Variants in ABCB1 observed in about 807,000 individuals in gnomAD.
ABCB1 encodes the protein ATP-dependent translocase ABCB1.
ABCB1 carries 69 observed loss-of-function variants against 142.0 expected under a neutral mutation model. The observed-to-expected ratio is 0.49, with a 90% CI of 0.40 to 0.59. ABCB1 has a LOEUF of 0.59. Among genes scored for constraint, ABCB1 ranks in the 20% least tolerant of loss-of-function variants. ABCB1 has a pLI of 0.00. For missense variants in ABCB1, 1,326 were observed against 1,554.7 expected (o/e 0.85, Z 2.47); for synonymous variants, 532 against 539.2 (o/e 0.99, Z 0.18).
At chr7:87,548,843 G>GT (rs1283834190) in intron 14 of ABCB1, among the ~76,000 whole-genome samples, 2 of 152,148 alleles carry the variant, frequency 1.3e-5, no homozygotes, top group Non-Finnish European at 2.9e-5. Flanking sequence ...GCTTAGGTAG[G>GT]TTTTCAGTAT....
At chr7:87,585,837 C>T (rs1398107949) in intron 3 of ABCB1, among the ~76,000 whole-genome samples, 157 bp from the exon 4 acceptor site, 4 of 152,144 alleles carry the variant, frequency 2.6e-5, no homozygotes, top group Non-Finnish European at 4.4e-5. Context: ...TAAATTATTG[C>T]AATAGTCTAA....
intron 20 of ABCB1, 26 bp from the exon 21 acceptor site, chr7:87,531,523 A>G: frequency 6.2e-7 from 1 of 1,603,292 alleles, no homozygotes. Flanking sequence ...AATTAGAGAA[A>G]TTTTAAAAAT....
intron 1 of ABCB1, among the ~76,000 whole-genome samples, chr7:87,657,532 G>A (rs1165246543): frequency 6.6e-6 from 1 of 152,172 alleles, no homozygotes; most frequent in Non-Finnish European, 1.5e-5. Flanking sequence ...AGGCCAGAGA[G>A]ATAAGATTTC....
At chr7:87,594,689 C>T (rs889651507) in intron 3 of ABCB1, among the ~76,000 whole-genome samples, 8 of 152,050 alleles carry the variant, frequency 5.3e-5, no homozygotes, top group Non-Finnish European at 1.0e-4. Flanking sequence ...CACCAAAATT[C>T]CAAAGGGCGT....
intron 1 of ABCB1, among the ~76,000 whole-genome samples, chr7:87,663,907 A>T (rs7790722): frequency 0.1 from 15,918 of 151,802 alleles, 1,044 homozygotes; most frequent in African/African-American, 0.19. Flanking sequence ...CTCTCTGGTG[A>T]CTCTTTGTAT....
At chr7:87,694,215 A>G (rs1828291028) in intron 1 of ABCB1, among the ~76,000 whole-genome samples, 1 of 152,100 alleles carries the variant, frequency 6.6e-6, no homozygotes, top group African/African-American at 2.4e-5. Context: ...GTATAATAAT[A>G]AATATTACGT....
intron 2 of ABCB1, among the ~76,000 whole-genome samples, chr7:87,596,849 A>G (rs1819230607): frequency 6.6e-6 from 1 of 152,070 alleles, no homozygotes; most frequent in South Asian, 2.1e-4. Flanking sequence ...AATTCCCAGT[A>G]AAGGCATGGT....
At position 87,553,804 on chromosome 7, in the gene ABCB1, G is replaced by C; in HGVS notation, c.956C>G (p.Thr319Ser). 2 of 1,614,034 alleles carry C rather than the reference G, an allele frequency of 1.2e-6. No homozygotes were observed. Among genetic ancestry groups the C allele is most frequent in the South Asian group, 1.1e-5 (1 of 91,082 alleles). The change falls in exon 9 of 28, where the codon ACC (threonine) becomes AGC (serine). Residue 319 changes from threonine (T) to serine (S), a missense_variant. Transcript: ENST00000622132. ...SYALAFWYGT[T>S]LVLSGEYSIG... ...AGAATATTCCCCTGAGAGGACCAAGGTGGTCCCATACCAGAAGGCCAGAGC... is the reference window on the plus strand; with the variant it reads ...AGAATATTCCCCTGAGAGGACCAAGCTGGTCCCATACCAGAAGGCCAGAGC...
chr7:87,514,899 T>C (rs895448299), intron 25 of ABCB1, among the ~76,000 whole-genome samples: 1 of 152,234 alleles, frequency 6.6e-6, no homozygotes, highest in Non-Finnish European at 1.5e-5. Flanking sequence ...TTGGCTTTCA[T>C]CTCACTCCTA....
At chr7:87,708,133 T>G (rs1829769942) in intron 1 of ABCB1, among the ~76,000 whole-genome samples, 1 of 151,938 alleles carries the variant, frequency 6.6e-6, no homozygotes, top group Admixed American at 6.6e-5. Flanking sequence ...AAAGTCAAAG[T>G]AGAAGGAAAG....
In ABCB1 at chr7:87,686,476, A is replaced by G. The variant is rs370249589; in HGVS notation, c.-331+26685T>C. Among the ~76,000 whole-genome samples the G allele has an allele frequency of 4.6e-5, 7 of 152,322 alleles. No homozygotes were observed. In the East Asian group the frequency reaches 1.3e-3, roughly 29 times the overall value. On this transcript the variant is annotated intron_variant, in intron 1 of 28. Transcript: ENST00000265724. ...GAAAATTACAGTTCTTTAAAATGTC[A>G]TCTGTGACTTTGATTATTTATGGAC...
chr7:87,682,311 T>C (rs1464231783), intron 1 of ABCB1, among the ~76,000 whole-genome samples: 1 of 152,240 alleles, frequency 6.6e-6, no homozygotes, highest in African/African-American at 2.4e-5. Context: ...AATGTTGATA[T>C]TCTGTTAATG....
intron 17 of ABCB1, among the ~76,000 whole-genome samples, chr7:87,542,357 T>C (rs1158891844): frequency 2.0e-5 from 3 of 152,234 alleles, no homozygotes; most frequent in Non-Finnish European, 2.9e-5. Flanking sequence ...TCCAGAAGTA[T>C]GATTTATTAT....
chr7:87,544,834 T>C lies in ABCB1; in HGVS notation c.2053A>G (p.Lys685Glu), dbSNP rs1816699999. 2 of 1,614,080 alleles carry C rather than the reference T, an allele frequency of 1.2e-6. No homozygotes were observed. Among genetic ancestry groups the C allele is most frequent in the East Asian group, 4.5e-5 (2 of 44,868 alleles). Residue 685 changes from lysine (K) to glutamate (E), a missense_variant, in exon 16 of 28, where the codon AAA becomes GAA. Lys to Glu is a moderately conservative substitution (Grantham distance 56). Transcript: ENST00000622132. ...ATCTCCCTTCATACCAGAGCCTCTT[T>C]GGTACTAAGCTTTCTGTCTTGGGCT... ...SQAQDRKLST[K>E]EALDESIPPV... is the part of the protein sequence containing the mutation.
chr7:87,711,156 G>C (rs940011183), intron 1 of ABCB1, among the ~76,000 whole-genome samples: 1 of 151,710 alleles, frequency 6.6e-6, no homozygotes, highest in African/African-American at 2.4e-5. Flanking sequence ...GATAAACCCC[G>C]TCTCTACTCA....
At chr7:87,509,653 G>T (rs767532739) in intron 25 of ABCB1, among the ~76,000 whole-genome samples, 172 bp from the exon 26 acceptor site, 2 of 152,172 alleles carry the variant, frequency 1.3e-5, no homozygotes, top group Non-Finnish European at 2.9e-5. Flanking sequence ...ATAATTGTAT[G>T]CCTTGAGGAA....
intron 1 of ABCB1, among the ~76,000 whole-genome samples, chr7:87,689,721 A>T (rs988444235): frequency 1.3e-5 from 2 of 152,014 alleles, no homozygotes; most frequent in Non-Finnish European, 2.9e-5. Flanking sequence ...CATCTTTCTG[A>T]TGTTCTAATT....
intron 1 of ABCB1, among the ~76,000 whole-genome samples, chr7:87,710,361 A>G (rs938935957): frequency 4.6e-5 from 7 of 152,188 alleles, no homozygotes; most frequent in Admixed American, 1.3e-4. Context: ...TTAGTTTGAC[A>G]TGCTGTACCC....
intron 1 of ABCB1, among the ~76,000 whole-genome samples, chr7:87,674,233 C>T (rs1826102456): frequency 6.6e-6 from 1 of 152,170 alleles, no homozygotes; most frequent in African/African-American, 2.4e-5. Flanking sequence ...CCCTCATTGG[C>T]TGGGGCAGGG....
Sources: gnomAD v4.1 joint callset for allele counts (sites outside exome capture counted in the v4.1 genomes callset) on GRCh38, gnomAD v4.1.1 for gene constraint, MANE v1.5 for transcripts, NCBI Gene and HGNC (gene_info 2026-07-23, HGNC 2026-07-21) for gene names.